The following EBF2 variants were observed in gnomAD, a reference collection of about 807,000 sequenced individuals.
EBF2 encodes the protein transcription factor COE2.
EBF2 carries 21 observed loss-of-function variants against 72.8 expected under a neutral mutation model. The ratio of observed to expected loss-of-function variants is 0.29; its 90% CI spans 0.20 to 0.42. EBF2 has a LOEUF of 0.42. EBF2 is among the 10% of genes least tolerant of loss of function. EBF2 has a pLI of 1.00. For missense variants in EBF2, 637 were observed against 731.2 expected, an observed-to-expected ratio of 0.87 and a Z score of 1.49; for synonymous variants, 299 against 274.2, an observed-to-expected ratio of 1.09 and a Z score of -0.89.
intron 15 of EBF2, among the ~76,000 whole-genome samples, chr8:25,846,825 C>T (rs1801847707): frequency 6.6e-6 from 1 of 152,200 alleles, no homozygotes; most frequent in African/African-American, 2.4e-5. Flanking sequence ...TATATCCCTT[C>T]CTCCTAGTCC....
rs1805661452 is a variant in EBF2, at chr8:26,044,256, C to T, written c.131+473G>A. Among the ~76,000 whole-genome samples the T allele has an allele frequency of 6.6e-6, 1 of 152,162 alleles. No homozygotes were observed. Among genetic ancestry groups the T allele is most frequent in the South Asian group, 2.1e-4 (1 of 4,834 alleles). On this transcript the variant is annotated intron_variant, in intron 1 of 15. Coordinates refer to ENST00000520164, the MANE Select transcript of EBF2 (RefSeq NM_022659.4). This position sits in a 1 kb window ranked among gnomAD's most constrained non-coding sequence, Gnocchi z 4.1. Reference sequence around the variant, plus strand: ...CCGCCGCCACCCTCTGGCCGCCGGCCTCCCAGGCTCCAGGAATCGCCCAGC... The same window carrying T: ...CCGCCGCCACCCTCTGGCCGCCGGCTTCCCAGGCTCCAGGAATCGCCCAGC...
chr8:25,953,500 G>C (rs1803895865), intron 6 of EBF2, among the ~76,000 whole-genome samples: 1 of 152,196 alleles, frequency 6.6e-6, no homozygotes, highest in African/African-American at 2.4e-5. Context: ...CTTCTGCTTT[G>C]CCTCCCAGAA....
intron 6 of EBF2, among the ~76,000 whole-genome samples, chr8:26,027,088 G>T (rs759459815): frequency 2.6e-5 from 4 of 152,150 alleles, no homozygotes; most frequent in Admixed American, 6.5e-5. Context: ...CGAGGAATGG[G>T]AGGTAATGGT....
At chr8:25,926,841 A>G (rs1803396064) in intron 6 of EBF2, among the ~76,000 whole-genome samples, 1 of 152,214 alleles carries the variant, frequency 6.6e-6, no homozygotes, top group Non-Finnish European at 1.5e-5. Context: ...ACTGCCCTGA[A>G]GATCTGAGCA....
chr8:25,993,101 G>A (rs1220584678), intron 6 of EBF2, among the ~76,000 whole-genome samples: 6 of 151,984 alleles, frequency 3.9e-5, no homozygotes, highest in Non-Finnish European at 8.8e-5. Context: ...TGGGAAAGTG[G>A]AAAATCCACT....
chr8:25,855,971 T>C (rs972027066), intron 14 of EBF2, among the ~76,000 whole-genome samples: 2 of 152,160 alleles, frequency 1.3e-5, no homozygotes, highest in Non-Finnish European at 1.5e-5. Context: ...TTTTAATGGG[T>C]AATTTGAAGA....
In EBF2 at chr8:25,944,765, ATAT is replaced by A. The variant is rs1272841661; in HGVS notation, c.552-36213_552-36211del. Among the ~76,000 whole-genome samples, 6 of 148,346 alleles carry A rather than the reference ATAT, an allele frequency of 4.0e-5. No homozygotes were observed. In the East Asian group the frequency reaches 1.2e-3, roughly 29 times the overall value. ...ACAATTATATTGTATATATAATTAT[ATAT>A]TATATTGTGTATATAATTATACATG... On this transcript the variant is annotated intron_variant, in intron 6 of 15. Coordinates refer to ENST00000520164, the MANE Select transcript of EBF2 (RefSeq NM_022659.4).
intron 6 of EBF2, among the ~76,000 whole-genome samples, chr8:25,958,290 A>T (rs1456477069): frequency 6.6e-6 from 1 of 152,238 alleles, no homozygotes; most frequent in East Asian, 1.9e-4. Context: ...TCTCTCCAAT[A>T]GATTGGAACA....
intron 6 of EBF2, among the ~76,000 whole-genome samples, chr8:25,950,185 A>T (rs559906748): frequency 2.3e-4 from 35 of 152,356 alleles, no homozygotes; most frequent in South Asian, 1.4e-3. Context: ...CTGATGAATA[A>T]CAGAATGTTC....
chr8:25,894,489 C>T (rs1171534644), intron 7 of EBF2, among the ~76,000 whole-genome samples: 2 of 152,198 alleles, frequency 1.3e-5, no homozygotes, highest in African/African-American at 2.4e-5. Context: ...AAGGCTGACC[C>T]TTCCCATCTG....
intron 10 of EBF2, 145 bp downstream of exon 10, chr8:25,886,610 C>T: frequency 1.1e-6 from 1 of 943,024 alleles, no homozygotes; most frequent in Non-Finnish European, 1.5e-6. Context: ...TTCACATCAC[C>T]ATTCAACATC....
At chr8:25,888,047 T>C (rs1033777679) in intron 8 of EBF2, 75 bp from the exon 9 acceptor site, 10 of 1,493,180 alleles carry the variant, frequency 6.7e-6, no homozygotes, top group African/African-American at 4.2e-5. Flanking sequence ...CAGGCCCACA[T>C]TGGAAGAAGA....
chr8:25,962,227 C>T (rs935079786), intron 6 of EBF2, among the ~76,000 whole-genome samples: 2 of 152,034 alleles, frequency 1.3e-5, no homozygotes, highest in African/African-American at 4.8e-5. Flanking sequence ...ATATCCTGTC[C>T]AAGACCCATT....
At chr8:26,030,298 G>A (rs1481806595) in intron 6 of EBF2, among the ~76,000 whole-genome samples, 1 of 152,124 alleles carries the variant, frequency 6.6e-6, no homozygotes, top group Non-Finnish European at 1.5e-5. Context: ...GGGAGAACAT[G>A]CAGTGTTTCG....
intron 10 of EBF2, among the ~76,000 whole-genome samples, chr8:25,871,742 T>G (rs1802442661): frequency 6.6e-6 from 1 of 152,208 alleles, no homozygotes; most frequent in Admixed American, 6.5e-5. Flanking sequence ...TGGATCAGCC[T>G]TGAAAAACTT....
chr8:25,963,521 C>T (rs1192681943), intron 6 of EBF2, among the ~76,000 whole-genome samples: 3 of 152,130 alleles, frequency 2.0e-5, no homozygotes, highest in South Asian at 2.1e-4. Context: ...AGCCCTCTTA[C>T]GGGGTGTGAT....
intron 6 of EBF2, among the ~76,000 whole-genome samples, chr8:26,031,065 G>A (rs1805395350): frequency 1.3e-5 from 2 of 152,206 alleles, no homozygotes; most frequent in Admixed American, 6.5e-5. Context: ...CTTATGAGAA[G>A]CAAGGTGCAG....
intron 6 of EBF2, among the ~76,000 whole-genome samples, chr8:25,959,552 G>A (rs189239165): frequency 1.1e-4 from 17 of 152,252 alleles, no homozygotes; most frequent in East Asian, 3.9e-4. Flanking sequence ...AAAATGTAAC[G>A]GCCATTTTTC....
chr8:25,867,169 A>T (rs1344645979), intron 10 of EBF2, among the ~76,000 whole-genome samples: 1 of 152,204 alleles, frequency 6.6e-6, no homozygotes, highest in African/African-American at 2.4e-5. Flanking sequence ...TCAGGAATTT[A>T]TGTGTCCATA....
Sources: gnomAD v4.1 joint callset for allele counts (sites outside exome capture counted in the v4.1 genomes callset) on GRCh38, gnomAD v4.1.1 for gene constraint, Gnocchi (gnomAD v3.1) non-coding constraint, MANE v1.5 for transcripts, NCBI Gene and HGNC (gene_info 2026-07-23, HGNC 2026-07-21) for gene names.